Variants in DNAJC15 observed in about 807,000 individuals in gnomAD.
DNAJC15 encodes DnaJ heat shock protein family (Hsp40) member C15.
In DNAJC15, 27 loss-of-function variants were observed where a neutral mutation model predicts 22.4. The ratio of observed to expected loss-of-function variants is 1.20; its 90% CI spans 0.89 to 1.66. The LOEUF (loss-of-function observed/expected upper bound fraction) is 1.66. Ranked by LOEUF, DNAJC15 falls within the 40% of genes most tolerant of loss-of-function variation. DNAJC15 has a pLI of 0.00. For missense variants in DNAJC15, 208 were observed against 187.1 expected, an observed-to-expected ratio of 1.11 and a Z score of -0.65; for synonymous variants, 79 against 63.2, an observed-to-expected ratio of 1.25 and a Z score of -1.19.
chr13:43,036,682 G>T (rs2040430518), intron 1 of DNAJC15, among the ~76,000 whole-genome samples: 1 of 152,220 alleles, frequency 6.6e-6, no homozygotes, highest in Non-Finnish European at 1.5e-5. Context: ...GACCTCCACA[G>T]CACCCTGGCT....
chr13:43,087,719 G>A (rs754320533), intron 5 of DNAJC15, among the ~76,000 whole-genome samples: 1 of 152,152 alleles, frequency 6.6e-6, no homozygotes, highest in Non-Finnish European at 1.5e-5. Flanking sequence ...GCTACCAGCT[G>A]ATAGAACAAG....
chr13:43,078,156 T>C (rs2040644167), intron 3 of DNAJC15, among the ~76,000 whole-genome samples: 1 of 152,168 alleles, frequency 6.6e-6, no homozygotes, highest in Non-Finnish European at 1.5e-5. Flanking sequence ...TTAATCCAGC[T>C]TCCCAGCCTC....
At chr13:43,059,708 G>A (rs1360520494) in intron 1 of DNAJC15, among the ~76,000 whole-genome samples, 1 of 152,222 alleles carries the variant, frequency 6.6e-6, no homozygotes, top group African/African-American at 2.4e-5. Flanking sequence ...CACCAAACAG[G>A]CTTTGTGTGA....
intron 5 of DNAJC15, among the ~76,000 whole-genome samples, chr13:43,099,215 A>C (rs147917743): frequency 6.6e-6 from 1 of 152,168 alleles, no homozygotes; most frequent in Admixed American, 6.5e-5. Flanking sequence ...ATAGAAATAC[A>C]ATTAAGTTGT....
intron 3 of DNAJC15, among the ~76,000 whole-genome samples, chr13:43,075,159 C>A (rs1479933786): frequency 6.6e-6 from 1 of 152,138 alleles, no homozygotes; most frequent in Non-Finnish European, 1.5e-5. Flanking sequence ...TCAAAATGGT[C>A]TAGATCTTTT....
At chr13:43,083,735 T>C (rs1309600021) in intron 4 of DNAJC15, among the ~76,000 whole-genome samples, 1 of 152,186 alleles carries the variant, frequency 6.6e-6, no homozygotes, top group Non-Finnish European at 1.5e-5. Flanking sequence ...TGTTCATACC[T>C]CTGGTATGAT....
At chr13:43,062,695 A>G (rs1010998627) in intron 1 of DNAJC15, among the ~76,000 whole-genome samples, 2 of 152,162 alleles carry the variant, frequency 1.3e-5, no homozygotes, top group Admixed American at 6.5e-5. Flanking sequence ...TCTATAAAAA[A>G]TTAAATACTT....
intron 1 of DNAJC15, among the ~76,000 whole-genome samples, chr13:43,044,664 G>A (rs1178583848): frequency 6.6e-6 from 1 of 151,990 alleles, no homozygotes; most frequent in East Asian, 1.9e-4. Context: ...CTGGTCCAGG[G>A]TATTTTGAAG....
chr13:43,102,015 G>T lies in DNAJC15; in HGVS notation c.383-5163G>T, dbSNP rs114174345. Among the ~76,000 whole-genome samples, 117 of 152,160 alleles carry T rather than the reference G, an allele frequency of 7.7e-4. 1 individual carries two copies. Among genetic ancestry groups the T allele is most frequent in the African/African-American group, 2.6e-3 (108 of 41,522 alleles). ...TTAAGGAATCTACATACTATTTTCC[G>T]TAGTGGTTATACTAGTTATACTCAC... On this transcript the variant is annotated intron_variant, in intron 5 of 5. Coordinates refer to ENST00000379221, the MANE Select transcript of DNAJC15 (RefSeq NM_013238.3).
At chr13:43,077,062 A>T (rs955533215) in intron 3 of DNAJC15, among the ~76,000 whole-genome samples, 1 of 152,192 alleles carries the variant, frequency 6.6e-6, no homozygotes, top group African/African-American at 2.4e-5. Context: ...CTTCAGTCTC[A>T]TGGCTTTAAA....
intron 5 of DNAJC15, among the ~76,000 whole-genome samples, chr13:43,099,627 A>G (rs1191685040): frequency 1.3e-5 from 2 of 151,938 alleles, no homozygotes; most frequent in East Asian, 3.9e-4. Flanking sequence ...CTTTTTCTCC[A>G]TGTATTGAGA....
At chr13:43,080,875 T>C (rs981940011) in intron 4 of DNAJC15, among the ~76,000 whole-genome samples, 13 of 152,236 alleles carry the variant, frequency 8.5e-5, no homozygotes, top group Non-Finnish European at 1.5e-4. Context: ...ATGAAACTTA[T>C]CTGCTTTCCT....
chr13:43,023,695 G>C lies in DNAJC15; in HGVS notation c.69G>C (p.Ser23=), dbSNP rs1463459688. ...SLRYAEYLQP[S]AKRPDADVDQ... ...GCTACGCTGAGTACTTGCAGCCCTCGGCCAAACGGCCAGACGCCGACGTCG... is the reference window on the plus strand; with the variant it reads ...GCTACGCTGAGTACTTGCAGCCCTCCGCCAAACGGCCAGACGCCGACGTCG... The change falls in exon 1 of 6, where the codon TCG becomes TCC. Residue 23 remains serine, a synonymous_variant. Transcript: ENST00000379221. 1.9e-6 allele frequency: 3 copies of C among 1,612,270 alleles called. No individual in the cohort carries two copies. The highest frequency in any genetic ancestry group is 2.2e-5 in the East Asian group (1 of 44,810).
At chr13:43,092,547 A>G (rs1411434588) in intron 5 of DNAJC15, among the ~76,000 whole-genome samples, 1 of 151,776 alleles carries the variant, frequency 6.6e-6, no homozygotes, top group African/African-American at 2.4e-5. Context: ...TTTGTTTTCT[A>G]TTTGACTCAC....
In DNAJC15 at chr13:43,107,289, TCG is replaced by T. The variant is rs1566219781; in HGVS notation, c.*42_*43del. 2.6e-5 allele frequency: 37 copies of T among 1,417,334 alleles called. No homozygotes were observed. In the Admixed American group the frequency reaches 5.6e-4, roughly 22 times the overall value. The allele number at this position is 1,417,334 out of a possible 1,614,324, so 87.8% of individuals were successfully genotyped here. A position where few individuals can be genotyped will look rare whatever the true frequency, so the allele number is the denominator to read the frequency against. ...CTGAAGGAAAAAAAAAGAGGGGACT[TCG>T]AAAAAAAAAAAAGCCCTGCAAAATA... On this transcript the variant is annotated 3_prime_UTR_variant, in exon 6 of 6. Transcript: ENST00000379221.
intron 5 of DNAJC15, among the ~76,000 whole-genome samples, chr13:43,095,269 T>C (rs74063440): frequency 0.017 from 2,550 of 152,314 alleles, 83 homozygotes; most frequent in East Asian, 0.1. Flanking sequence ...CAGTTACTGC[T>C]GCTTGATTTG....
intron 3 of DNAJC15, among the ~76,000 whole-genome samples, chr13:43,076,388 A>C (rs986630645): frequency 1.3e-5 from 2 of 152,182 alleles, no homozygotes; most frequent in African/African-American, 4.8e-5. Flanking sequence ...AAATGGCCAG[A>C]TCTGACTCCC....
At chr13:43,038,183 C>T (rs982537198) in intron 1 of DNAJC15, among the ~76,000 whole-genome samples, 1 of 152,070 alleles carries the variant, frequency 6.6e-6, no homozygotes, top group South Asian at 2.1e-4. Context: ...GTTACTAAGC[C>T]TAAAGACATT....
intron 1 of DNAJC15, among the ~76,000 whole-genome samples, chr13:43,064,970 G>GAAA (rs34236620): frequency 7.0e-6 from 1 of 142,576 alleles, no homozygotes; most frequent in Non-Finnish European, 1.5e-5. Context: ...TGATCATATT[G>GAAA]AAAAAAAAAA....
Sources: allele counts gnomAD v4.1 joint callset (sites outside exome capture counted in the v4.1 genomes callset), GRCh38; gene constraint gnomAD v4.1.1; transcripts MANE v1.5; gene names NCBI Gene and HGNC (gene_info 2026-07-23, HGNC 2026-07-21).